COMMD10: variants seen among roughly 807,000 people sequenced by gnomAD.
COMMD10 encodes the protein COMM domain containing 10.
Under a neutral mutation model 28.9 loss-of-function variants are expected in COMMD10, and 33 were observed. The observed-to-expected ratio is 1.14, with a 90% confidence interval of 0.87 to 1.53. COMMD10 has a LOEUF of 1.53. COMMD10 is among the 40% of genes most tolerant of loss of function. COMMD10 has a pLI of 0.00. For missense variants in COMMD10, 310 were observed against 233.4 expected, an observed-to-expected ratio of 1.33 and a Z score of -2.14; for synonymous variants, 110 against 81.7, an observed-to-expected ratio of 1.35 and a Z score of -1.87.
At position 116,085,340 on chromosome 5, in the gene COMMD10, GAAGCGTGTGGTCTGC is replaced by G. The variant is rs890584467; in HGVS notation, c.41+255_41+269del. ...GCGCCTGGCAGCTGAGGTCTGTACG[GAAGCGTGTGGTCTGC>G]AAGCGTGGGGTCTGCGTCACTGTTC... On this transcript the variant is annotated intron_variant, in intron 1 of 6. Transcript: ENST00000274458. 9.4e-5 allele frequency: 48 copies of G among 510,686 alleles called. No homozygotes were observed. The Admixed American group carries it at 1.8e-3, about 19-fold the overall frequency. 31.6% of individuals were successfully genotyped at this position (510,686 alleles called of 1,614,324 possible).
chr5:116,215,021 T>A (rs1749060962), intron 5 of COMMD10, among the ~76,000 whole-genome samples: 1 of 152,112 alleles, frequency 6.6e-6, no homozygotes, highest in East Asian at 1.9e-4. Flanking sequence ...GGATTTTCAT[T>A]TTTTCTTAAT....
chr5:116,130,962 A>T (rs1751844588), intron 4 of COMMD10, among the ~76,000 whole-genome samples: 1 of 151,996 alleles, frequency 6.6e-6, no homozygotes, highest in African/African-American at 2.4e-5. Flanking sequence ...ATATATTTTG[A>T]GTAGTATTTT....
intron 5 of COMMD10, among the ~76,000 whole-genome samples, chr5:116,224,085 C>T (rs1435623705): frequency 2.0e-5 from 3 of 152,092 alleles, no homozygotes; most frequent in Non-Finnish European, 2.9e-5. Flanking sequence ...ATTCATTTAA[C>T]GGTGATCTTT....
At chr5:116,236,813 T>C (rs1749677216) in intron 5 of COMMD10, among the ~76,000 whole-genome samples, 1 of 151,992 alleles carries the variant, frequency 6.6e-6, no homozygotes, top group Non-Finnish European at 1.5e-5. Context: ...ACTATGGACG[T>C]TGGTTGATTA....
intron 5 of COMMD10, among the ~76,000 whole-genome samples, chr5:116,207,905 A>G (rs1454808713): frequency 1.3e-5 from 2 of 152,172 alleles, no homozygotes; most frequent in Admixed American, 6.5e-5. Flanking sequence ...ATGAGAGACT[A>G]CTATGGGTAG....
intron 5 of COMMD10, among the ~76,000 whole-genome samples, chr5:116,167,629 A>G (rs942500858): frequency 7.9e-5 from 12 of 152,182 alleles, no homozygotes; most frequent in Middle Eastern, 3.2e-3. Context: ...CTAACAGCGG[A>G]TCTCTCGGCA....
chr5:116,190,984 A>G (rs1387501234), intron 5 of COMMD10, among the ~76,000 whole-genome samples: 1 of 152,200 alleles, frequency 6.6e-6, no homozygotes, highest in Non-Finnish European at 1.5e-5. Context: ...GCACTTTTCT[A>G]CATTTTACAC....
chr5:116,227,776 A>G (rs543142631), intron 5 of COMMD10, among the ~76,000 whole-genome samples: 6 of 152,130 alleles, frequency 3.9e-5, no homozygotes, highest in African/African-American at 9.7e-5. Context: ...TTAAAAAGTT[A>G]CTATCAGTGC....
intron 5 of COMMD10, among the ~76,000 whole-genome samples, chr5:116,183,070 C>A (rs1748023932): frequency 6.6e-6 from 1 of 152,080 alleles, no homozygotes; most frequent in African/African-American, 2.4e-5. Context: ...CTTTTCTTTG[C>A]AAATTACCCA....
chr5:116,220,218 A>G (rs1210595235), intron 5 of COMMD10, among the ~76,000 whole-genome samples: 1 of 152,196 alleles, frequency 6.6e-6, no homozygotes, highest in Admixed American at 6.5e-5. Flanking sequence ...AGGGAGCAAA[A>G]TCAGGCATAA....
intron 5 of COMMD10, among the ~76,000 whole-genome samples, chr5:116,151,527 A>G (rs970106667): frequency 6.6e-6 from 1 of 152,174 alleles, no homozygotes; most frequent in African/African-American, 2.4e-5. Flanking sequence ...TATTGCCACA[A>G]TTTCAGAGCC....
chr5:116,281,929 C>A (rs1751079041), intron 5 of COMMD10, among the ~76,000 whole-genome samples: 1 of 151,770 alleles, frequency 6.6e-6, no homozygotes, highest in African/African-American at 2.4e-5. Context: ...CCCATGTGAT[C>A]TGGGAAAATA....
chr5:116,250,471 G>T (rs1249507860), intron 5 of COMMD10, among the ~76,000 whole-genome samples: 1 of 151,346 alleles, frequency 6.6e-6, no homozygotes, highest in Non-Finnish European at 1.5e-5. Flanking sequence ...AAGTAGTTTG[G>T]CTAAAAAGGA....
intron 5 of COMMD10, among the ~76,000 whole-genome samples, chr5:116,243,742 A>G (rs1484428004): frequency 1.3e-5 from 2 of 152,276 alleles, no homozygotes; most frequent in Non-Finnish European, 2.9e-5. Flanking sequence ...AGTATGTAGA[A>G]TCAGCTTGAC....
chr5:116,166,237 G>T (rs777791718), intron 5 of COMMD10, among the ~76,000 whole-genome samples: 15 of 133,594 alleles, frequency 1.1e-4, no homozygotes, highest in Non-Finnish European at 2.0e-4. Flanking sequence ...TGCAAAGATT[G>T]TTTTTTATAA....
At chr5:116,231,621 A>G (rs1257750418) in intron 5 of COMMD10, among the ~76,000 whole-genome samples, 2 of 152,286 alleles carry the variant, frequency 1.3e-5, no homozygotes, top group South Asian at 2.1e-4. Context: ...ACAATGGGCA[A>G]AATTTTCTTC....
intron 5 of COMMD10, among the ~76,000 whole-genome samples, chr5:116,173,433 T>C (rs969525994): frequency 6.6e-6 from 1 of 152,158 alleles, no homozygotes; most frequent in South Asian, 2.1e-4. Context: ...CATTTTACTT[T>C]CTATGTTATT....
intron 5 of COMMD10, among the ~76,000 whole-genome samples, chr5:116,192,862 T>A (rs943022516): frequency 6.6e-6 from 1 of 152,184 alleles, no homozygotes; most frequent in Non-Finnish European, 1.5e-5. Context: ...CTGACTGTCA[T>A]CAGGTTATCC....
At chr5:116,188,620 T>TCCTTC (rs1311264003) in intron 5 of COMMD10, 1 of 134,936 alleles carries the variant, frequency 7.4e-6, no homozygotes, top group African/African-American at 3.4e-5. Flanking sequence ...CTTCCTTCCT[T>TCCTTC]CTTTCTTTCT....
Sources: allele counts gnomAD v4.1 joint callset (sites outside exome capture counted in the v4.1 genomes callset), GRCh38; gene constraint gnomAD v4.1.1; transcripts MANE v1.5; gene names NCBI Gene and HGNC (gene_info 2026-07-23, HGNC 2026-07-21).